The following RBMS2 variants were observed in gnomAD, a reference collection of about 807,000 sequenced individuals.
RBMS2 encodes the protein RNA-binding motif, single-stranded-interacting protein 2.
In RBMS2, 38 loss-of-function variants were observed where a neutral mutation model predicts 58.4. That is an observed-to-expected ratio of 0.65 (90% confidence interval 0.50 to 0.85). The LOEUF (loss-of-function observed/expected upper bound fraction) is 0.85. Among genes scored for constraint, RBMS2 ranks in the 40% least tolerant of loss-of-function variants. The probability of loss-of-function intolerance (pLI) is 0.00; values close to 1 mark genes in which losing one functional copy is unlikely to be tolerated. For missense variants in RBMS2, 367 were observed against 503.7 expected, an observed-to-expected ratio of 0.73 and a Z score of 2.60; for synonymous variants, 151 against 180.7, an observed-to-expected ratio of 0.84 and a Z score of 1.32.
At chr12:56,543,036 C>G (rs1876428084) in intron 1 of RBMS2, among the ~76,000 whole-genome samples, 1 of 151,892 alleles carries the variant, frequency 6.6e-6, no homozygotes, top group African/African-American at 2.4e-5. Flanking sequence ...CTCCAAATTT[C>G]TTTTTTGAAA....
chr12:56,587,674 G>A lies in RBMS2; in HGVS notation c.1062+10G>A, dbSNP rs1336955858. The A allele has an allele frequency of 1.9e-6, 3 of 1,611,242 alleles. No individual in the cohort carries two copies. The highest frequency in any genetic ancestry group is 2.5e-6 in the Non-Finnish European group (3 of 1,178,030). On this transcript the variant is annotated intron_variant, in intron 11 of 13. Transcript: ENST00000262031. The stretch of plus-strand genomic sequence containing the variant: ...CAGCAGCACAGGCACGGTAAAGCAG[G>A]ATATTTCTGATTGTAAACTCTCCTA...
chr12:56,532,998 G>A (rs1334972077), intron 1 of RBMS2, among the ~76,000 whole-genome samples: 2 of 151,858 alleles, frequency 1.3e-5, no homozygotes, highest in Admixed American at 6.6e-5. Context: ...GCAGTGGCTC[G>A]ATCGTGGCTC....
chr12:56,562,546 G>C lies in RBMS2; in HGVS notation c.196G>C (p.Gly66Arg). ...TNLYIRGLQP[G>R]TTDQDLVKLC... ...CCTATACATCCGAGGATTGCAACCA[G>C]GCACTACTGACCAAGATCTTGTCAA... Residue 66 changes from glycine (G) to arginine (R), a missense_variant, in exon 2 of 14, where the codon GGC (glycine) becomes CGC (arginine). Physicochemically the swap from Gly to Arg is moderately radical, Grantham distance 125 (BLOSUM62 -2). Coordinates refer to ENST00000262031, the MANE Select transcript of RBMS2 (RefSeq NM_002898.4). 1 of 1,613,474 alleles carries C rather than the reference G, an allele frequency of 6.2e-7. No homozygotes were observed. The highest frequency in any genetic ancestry group is 8.5e-7 in the Non-Finnish European group (1 of 1,179,408).
At chr12:56,521,400 C>T (rs1382191798), upstream of RBMS2, among the ~76,000 whole-genome samples, 1 of 133,764 alleles carries the variant, frequency 7.5e-6, no homozygotes, top group African/African-American at 2.7e-5. Context: ...TGCACTTCAG[C>T]CTGGGTGACA....
chr12:56,581,688 T>A (rs753586076), intron 7 of RBMS2, 145 bp from the exon 8 acceptor site: 3 of 1,175,978 alleles, frequency 2.6e-6, no homozygotes, highest in Admixed American at 2.1e-5. Context: ...GCCTGCACAA[T>A]TAGAAAAACT....
At chr12:56,542,967 A>G (rs1876418085) in intron 1 of RBMS2, among the ~76,000 whole-genome samples, 1 of 151,900 alleles carries the variant, frequency 6.6e-6, no homozygotes, top group African/African-American at 2.4e-5. Flanking sequence ...GTGCAATGAT[A>G]CAATCTTAGC....
intron 1 of RBMS2, among the ~76,000 whole-genome samples, chr12:56,524,703 C>T (rs748519413): frequency 2.0e-5 from 3 of 150,996 alleles, no homozygotes; most frequent in Non-Finnish European, 2.9e-5. Context: ...CTTTGAGTCA[C>T]CAAGCCTGGC....
rs975135804 is a variant in RBMS2 at position 56,590,804 on chromosome 12, A to C, written c.*1671A>C. On this transcript the variant is annotated 3_prime_UTR_variant, in exon 14 of 14. Transcript: ENST00000262031. ...GTGCTGTGCAATGGTGGGAAAGGAC[A>C]AAGCTCTCTAAACTGTCCAGAGCAA... 4.6e-5 allele frequency: 7 copies of C among 152,234 alleles called. No homozygotes were observed. Among genetic ancestry groups the C allele is most frequent in the African/African-American group, 1.7e-4 (7 of 41,432 alleles). 9.4% of individuals were successfully genotyped at this position (152,234 alleles called of 1,614,324 possible).
chr12:56,536,486 T>C (rs1456998146), intron 1 of RBMS2, among the ~76,000 whole-genome samples: 1 of 151,756 alleles, frequency 6.6e-6, no homozygotes, highest in African/African-American at 2.4e-5. Context: ...CTCTTTTTCT[T>C]AGTAAGATCT....
intron 1 of RBMS2, among the ~76,000 whole-genome samples, chr12:56,552,278 T>C (rs561805709): frequency 6.6e-6 from 1 of 152,360 alleles, no homozygotes; most frequent in East Asian, 1.9e-4. Flanking sequence ...GGCTGGGGCT[T>C]TTTTGACTTT....
rs144330252 is a variant in RBMS2 at position 56,571,806 on chromosome 12, C to T, written c.493C>T (p.Arg165Cys). Residue 165 changes from arginine (R) to cysteine (C), a missense_variant, in exon 5 of 14, where the codon CGT becomes TGT. By Grantham distance (180) the Arg-to-Cys change is radical. Coordinates refer to ENST00000262031, the MANE Select transcript of RBMS2 (RefSeq NM_002898.4). ...GCCCTTTGGCCAGGTTATCTCCACC[C>T]GTATCCTTCGAGATACCAGTGGGAC... is the stretch of plus-strand genomic sequence containing the variant. ...LKPFGQVISTRILRDTSGTSR... is the reference protein window; with the variant it reads ...LKPFGQVISTCILRDTSGTSR... 14 of 1,596,248 alleles carry T rather than the reference C, an allele frequency of 8.8e-6. No individual in the cohort carries two copies. The highest frequency in any genetic ancestry group is 5.2e-5 in the Admixed American group (3 of 57,522).
chr12:56,531,443 A>T (rs1380863643), intron 1 of RBMS2, among the ~76,000 whole-genome samples: 3 of 152,152 alleles, frequency 2.0e-5, no homozygotes, highest in African/African-American at 7.2e-5. Context: ...TTATTGATTG[A>T]TCTGAATTTA....
chr12:56,583,527 G>A (rs1473338366), intron 9 of RBMS2, among the ~76,000 whole-genome samples: 1 of 151,984 alleles, frequency 6.6e-6, no homozygotes, highest in Non-Finnish European at 1.5e-5. Context: ...GGTGGCGGGC[G>A]CCTGTAATCC....
chr12:56,594,825 A>G lies in RBMS2; in HGVS notation c.*5692A>G, dbSNP rs563038253. 7.9e-5 allele frequency: 12 copies of G among 152,294 alleles called. No individual in the cohort carries two copies. In the South Asian group the frequency reaches 1.9e-3, roughly 24 times the overall value. 9.4% of individuals were successfully genotyped at this position (152,294 alleles called of 1,614,324 possible). Reference sequence around the variant, plus strand: ...ACTTCCTTGTCCTTGTTACACGTCTACCTCACAACCTCACAATTCAACAAC... The same window carrying G: ...ACTTCCTTGTCCTTGTTACACGTCTGCCTCACAACCTCACAATTCAACAAC... On this transcript the variant is annotated 3_prime_UTR_variant, in exon 14 of 14. Coordinates refer to ENST00000262031, the MANE Select transcript of RBMS2 (RefSeq NM_002898.4).
At chr12:56,581,670 G>A in intron 7 of RBMS2, 162 bp downstream of exon 7, 1 of 1,141,586 alleles carries the variant, frequency 8.8e-7, no homozygotes, top group South Asian at 1.4e-5. Context: ...CTCGAGTGTG[G>A]CTTTGCGGCC....
At chr12:56,571,125 A>G (rs1882226429) in intron 4 of RBMS2, among the ~76,000 whole-genome samples, 1 of 152,200 alleles carries the variant, frequency 6.6e-6, no homozygotes, top group Non-Finnish European at 1.5e-5. Flanking sequence ...CTCTTCTTCC[A>G]GGAGTAAAAC....
At position 56,563,799 on chromosome 12, in the gene RBMS2, TA is replaced by T. The variant is rs1264338634; in HGVS notation, c.233+1224del. On this transcript the variant is annotated intron_variant, in intron 2 of 13. Coordinates refer to ENST00000262031, the MANE Select transcript of RBMS2 (RefSeq NM_002898.4). ...TAAAAAATATAGTAAAAATATATAT[TA>T]AAAAAAATTTTAAAACTGGTCCGTT... is the stretch of plus-strand genomic sequence containing the variant. Among the ~76,000 whole-genome samples the T allele has an allele frequency of 3.3e-5, 5 of 151,814 alleles. No individual in the cohort carries two copies. In the East Asian group the frequency reaches 5.8e-4, roughly 18 times the overall value.
chr12:56,550,243 G>C (rs1878004798), intron 1 of RBMS2, among the ~76,000 whole-genome samples: 1 of 152,074 alleles, frequency 6.6e-6, no homozygotes, highest in African/African-American at 2.4e-5. Context: ...GAAAGGGATA[G>C]ACTAGACCAG....
At position 56,581,390 on chromosome 12, in the gene RBMS2, T is replaced by C; in HGVS notation, c.623-9T>C. ...GACTCAGCTGCCCATCTGCCTTCTC[T>C]CTCGGCAGCCCCATCCGATCCCTTG... On this transcript the variant is annotated splice_polypyrimidine_tract_variant and intron_variant, in intron 6 of 13. Coordinates refer to ENST00000262031, the MANE Select transcript of RBMS2 (RefSeq NM_002898.4). 1 of 1,614,024 alleles carries C rather than the reference T, an allele frequency of 6.2e-7. No homozygotes were observed. Among genetic ancestry groups the C allele is most frequent in the Non-Finnish European group, 8.5e-7 (1 of 1,179,890 alleles).
Sources: allele counts gnomAD v4.1 joint callset (sites outside exome capture counted in the v4.1 genomes callset), GRCh38; gene constraint gnomAD v4.1.1; transcripts MANE v1.5; gene names NCBI Gene and HGNC (gene_info 2026-07-23, HGNC 2026-07-21).